Variants in OSBPL9 observed in about 807,000 individuals in gnomAD.
The protein encoded by OSBPL9 is oxysterol-binding protein-related protein 9.
Under a neutral mutation model 106.6 loss-of-function variants are expected in OSBPL9, and 40 were observed. The ratio of observed to expected loss-of-function variants is 0.38; its 90% CI spans 0.29 to 0.49. OSBPL9 has a LOEUF of 0.49. Among genes scored for constraint, OSBPL9 ranks in the 20% least tolerant of loss-of-function variants. OSBPL9 has a pLI of 0.97. For synonymous variants in OSBPL9, 269 were observed against 295.4 expected (o/e 0.91, Z 0.92); for missense variants, 609 against 887.2 (o/e 0.69, Z 3.98).
chr1:51,785,752 T>C (rs917850000), intron 20 of OSBPL9, 56 bp from the exon 21 acceptor site: 20 of 1,501,020 alleles, frequency 1.3e-5, no homozygotes, highest in Non-Finnish European at 1.9e-5. Flanking sequence ...ACTGAGCAGA[T>C]TCTTTGGTAG....
intron 3 of OSBPL9, among the ~76,000 whole-genome samples, chr1:51,683,800 A>G (rs1342037913): frequency 6.6e-6 from 1 of 151,934 alleles, no homozygotes; most frequent in Non-Finnish European, 1.5e-5. Flanking sequence ...CTCAAAAAAA[A>G]AAGGAAATTT....
intron 4 of OSBPL9, among the ~76,000 whole-genome samples, chr1:51,733,762 G>A (rs1306110673): frequency 1.3e-5 from 2 of 151,558 alleles, no homozygotes; most frequent in East Asian, 2.0e-4. Flanking sequence ...GTGACAGAGC[G>A]AGACTCTGTC....
intron 3 of OSBPL9, among the ~76,000 whole-genome samples, chr1:51,706,601 A>T (rs925648800): frequency 1.3e-5 from 2 of 151,376 alleles, no homozygotes; most frequent in African/African-American, 4.9e-5. Context: ...TATGTTCTTT[A>T]TCAATTCCTT....
chr1:51,587,832 C>G (rs1350852165), intron 1 of OSBPL9, among the ~76,000 whole-genome samples: 2 of 152,264 alleles, frequency 1.3e-5, no homozygotes, highest in Non-Finnish European at 2.9e-5. Context: ...CTCAGCTCCC[C>G]TCTACCCTTC....
At chr1:51,731,462 C>T (rs1476595940) in intron 4 of OSBPL9, among the ~76,000 whole-genome samples, 11 of 151,552 alleles carry the variant, frequency 7.3e-5, no homozygotes, top group Non-Finnish European at 1.6e-4. Flanking sequence ...CAAAGCAAAA[C>T]AAAACAAAAC....
At chr1:51,713,266 C>T (rs1660442807) in intron 3 of OSBPL9, among the ~76,000 whole-genome samples, 1 of 152,156 alleles carries the variant, frequency 6.6e-6, no homozygotes, top group African/African-American at 2.4e-5. Context: ...TCTCCTGCCT[C>T]AGCCTCCTGA....
intron 1 of OSBPL9, among the ~76,000 whole-genome samples, chr1:51,591,150 C>T (rs905552327): frequency 1.3e-5 from 2 of 151,906 alleles, no homozygotes; most frequent in Non-Finnish European, 2.9e-5. Flanking sequence ...AATCTCCTGA[C>T]CTCGTGATCT....
intron 12 of OSBPL9, among the ~76,000 whole-genome samples, chr1:51,769,195 T>A (rs1673295268): frequency 1.2e-4 from 1 of 8,186 alleles, no homozygotes; most frequent in Non-Finnish European, 2.3e-4. Context: ...TACTGCTGAT[T>A]TTCTAACTGA....
chr1:51,616,828 A>C (rs1644070145), upstream of OSBPL9: 3 of 308,526 alleles, frequency 9.7e-6, no homozygotes, highest in Non-Finnish European at 1.8e-5. Flanking sequence ...AAAATTATTT[A>C]TTAATATGTT....
At chr1:51,719,799 A>T (rs74882962) in intron 4 of OSBPL9, among the ~76,000 whole-genome samples, 1 of 152,222 alleles carries the variant, frequency 6.6e-6, no homozygotes, top group African/African-American at 2.4e-5. Context: ...CCAAAAGAAA[A>T]TTTCAAGTTA....
chr1:51,629,121 C>G (rs1644950755), intron 1 of OSBPL9, among the ~76,000 whole-genome samples: 1 of 152,172 alleles, frequency 6.6e-6, no homozygotes, highest in Admixed American at 6.6e-5. Flanking sequence ...GGTTTTCATT[C>G]ATATGTCACT....
At chr1:51,701,946 C>A (rs1657372517) in intron 3 of OSBPL9, among the ~76,000 whole-genome samples, 1 of 152,126 alleles carries the variant, frequency 6.6e-6, no homozygotes, top group Non-Finnish European at 1.5e-5. Flanking sequence ...TGGTTTCCAG[C>A]TTGATCCATG....
chr1:51,546,280 GTGCTAGGATTACAGGT>G, the OSBPL9 span, among the ~76,000 whole-genome samples: 1 of 152,132 alleles, frequency 6.6e-6, no homozygotes, highest in East Asian at 1.9e-4. Flanking sequence ...GACTCCCAAA[GTGCTAGGATTACAGGT>G]GTGAGCCACC....
At chr1:51,592,758 C>T (rs1348573228) in intron 1 of OSBPL9, among the ~76,000 whole-genome samples, 1 of 152,126 alleles carries the variant, frequency 6.6e-6, no homozygotes, top group Non-Finnish European at 1.5e-5. Context: ...TTCCTGATTC[C>T]AGAGCATTTC....
At chr1:51,772,253 C>A in intron 13 of OSBPL9, 71 bp downstream of exon 13, 1 of 1,292,096 alleles carries the variant, frequency 7.7e-7, no homozygotes, top group Non-Finnish European at 1.1e-6. Context: ...TGGCTCATGC[C>A]GTAATCCCAG....
chr1:51,715,425 T>TTTTG (rs913218378), intron 4 of OSBPL9, among the ~76,000 whole-genome samples: 2 of 152,266 alleles, frequency 1.3e-5, no homozygotes, highest in Admixed American at 6.5e-5. Context: ...GATAAGTGTT[T>TTTTG]TTTGTTTGTT....
intron 1 of OSBPL9, 43 bp from the exon 2 acceptor site, chr1:51,651,948 T>G (rs1646543656): frequency 6.8e-7 from 1 of 1,480,764 alleles, no homozygotes; most frequent in Non-Finnish European, 9.4e-7. Flanking sequence ...AATTTACCAG[T>G]CTGTTAATGT....
At chr1:51,521,906 C>T in the OSBPL9 span, among the ~76,000 whole-genome samples, 1 of 152,034 alleles carries the variant, frequency 6.6e-6, no homozygotes, top group Non-Finnish European at 1.5e-5. Context: ...TACAGGCACC[C>T]GCCACCACAC....
intron 16 of OSBPL9, chr1:51,781,651 C>A: frequency 4.3e-6 from 1 of 232,026 alleles, no homozygotes; most frequent in Non-Finnish European, 8.7e-6. Context: ...TGAGAAGGGG[C>A]AAATATAGAA....
Sources: allele counts gnomAD v4.1 joint callset (sites outside exome capture counted in the v4.1 genomes callset), GRCh38; gene constraint gnomAD v4.1.1; transcripts MANE v1.5; gene names NCBI Gene and HGNC (gene_info 2026-07-23, HGNC 2026-07-21).